Variants in TMEM132C observed in about 807,000 individuals in gnomAD.
The protein encoded by TMEM132C is transmembrane protein 132C, also known as protein phosphatase 1, regulatory subunit 152.
In TMEM132C, 29 loss-of-function variants were observed where a neutral mutation model predicts 61.4. The ratio of observed to expected loss-of-function variants is 0.47; its 90% CI spans 0.35 to 0.64. The LOEUF is 0.64. TMEM132C is among the 30% of genes least tolerant of loss of function. The pLI, the probability that TMEM132C is intolerant of heterozygous loss-of-function variation, is 0.00. For missense variants in TMEM132C, 1,408 were observed against 1,476.9 expected (o/e 0.95, Z 0.76); for synonymous variants, 656 against 633.1 (o/e 1.04, Z -0.54).
intron 8 of TMEM132C, among the ~76,000 whole-genome samples, chr12:128,700,614 G>A (rs1220898210): frequency 1.3e-5 from 2 of 152,152 alleles, no homozygotes; most frequent in African/African-American, 4.8e-5. Context: ...CCTTGTTCAT[G>A]ATATTTTCAA....
intron 3 of TMEM132C, among the ~76,000 whole-genome samples, chr12:128,555,355 C>T (rs1481918790): frequency 6.6e-6 from 1 of 152,184 alleles, no homozygotes; most frequent in Admixed American, 6.5e-5. Flanking sequence ...AAATAATCTG[C>T]TTTTCCCTAA....
chr12:128,496,343 G>C (rs1048391462), intron 2 of TMEM132C, among the ~76,000 whole-genome samples: 20 of 152,128 alleles, frequency 1.3e-4, no homozygotes, highest in African/African-American at 4.6e-4. Context: ...GTATCTTTGT[G>C]GCGTTCTCTG....
chr12:128,431,200 G>C (rs181638840), intron 2 of TMEM132C, among the ~76,000 whole-genome samples: 3 of 152,210 alleles, frequency 2.0e-5, no homozygotes, highest in Non-Finnish European at 4.4e-5. Flanking sequence ...AGTTTTAGGG[G>C]TCTGGATGGA....
At chr12:128,507,767 G>A (rs1872424861) in intron 2 of TMEM132C, among the ~76,000 whole-genome samples, 1 of 152,190 alleles carries the variant, frequency 6.6e-6, no homozygotes, top group East Asian at 1.9e-4. Context: ...TTTTGAAGGA[G>A]AAAGGGACTC....
chr12:128,596,270 A>G (rs1875945908), intron 3 of TMEM132C, among the ~76,000 whole-genome samples: 1 of 146,890 alleles, frequency 6.8e-6, no homozygotes, highest in African/African-American at 2.6e-5. Flanking sequence ...TGTCCATCAC[A>G]CTGGGCTGCC....
At position 128,536,873 on chromosome 12, in the gene TMEM132C, A is replaced by G. The variant is rs909446904; in HGVS notation, c.975-7084A>G. ...TTTGGAAAGAAGAGCTTTATTTCTCATAAAGGATTGCAGCCTGCCAGGTGG... is the reference window on the plus strand; with the variant it reads ...TTTGGAAAGAAGAGCTTTATTTCTCGTAAAGGATTGCAGCCTGCCAGGTGG... On this transcript the variant is annotated intron_variant, in intron 2 of 8. Coordinates refer to ENST00000435159, the MANE Select transcript of TMEM132C (RefSeq NM_001136103.3). 6.6e-5 allele frequency among the ~76,000 whole-genome samples: 10 copies of G among 152,210 alleles called. No individual in the cohort carries two copies. The South Asian group carries it at 2.1e-3, about 32-fold the overall frequency.
intron 5 of TMEM132C, among the ~76,000 whole-genome samples, chr12:128,691,792 C>A (rs56906315): frequency 2.1e-5 from 3 of 142,614 alleles, no homozygotes; most frequent in Non-Finnish European, 4.5e-5. Flanking sequence ...GTGTCTGTCC[C>A]TCAGTGTGTG....
chr12:128,399,781 T>A (rs982481629), intron 1 of TMEM132C, among the ~76,000 whole-genome samples: 2 of 152,156 alleles, frequency 1.3e-5, no homozygotes, highest in African/African-American at 4.8e-5. Context: ...CTAAGACTTT[T>A]TTTTTTTATG....
At position 128,335,406 on chromosome 12, in the gene TMEM132C, A is replaced by C. The variant is rs73158080; in HGVS notation, c.85+67919A>C. Among the ~76,000 whole-genome samples the C allele has an allele frequency of 7.6e-3, 1,164 of 152,312 alleles. 2 individuals carry two copies. The highest frequency in any genetic ancestry group is 0.011 in the Non-Finnish European group (759 of 68,014). On this transcript the variant is annotated intron_variant, in intron 1 of 8. Coordinates refer to ENST00000435159, the MANE Select transcript of TMEM132C (RefSeq NM_001136103.3). ...CCTTTTGAATGTTTTACATATTGGC[A>C]TTTGGATTTTCAAAAGAGAGATCAA... is the stretch of plus-strand genomic sequence containing the variant.
intron 4 of TMEM132C, among the ~76,000 whole-genome samples, chr12:128,644,635 T>G (rs1954182232): frequency 6.6e-6 from 1 of 152,210 alleles, no homozygotes; most frequent in African/African-American, 2.4e-5. Context: ...ACAAGGGACT[T>G]TCTGCATAAC....
intron 2 of TMEM132C, among the ~76,000 whole-genome samples, chr12:128,432,322 G>A (rs1478570370): frequency 1.3e-5 from 2 of 152,198 alleles, no homozygotes; most frequent in African/African-American, 4.8e-5. Context: ...CACTTTGTAT[G>A]GCTGTAGCTG....
chr12:128,647,769 T>G (rs1253416754), intron 4 of TMEM132C, among the ~76,000 whole-genome samples: 1 of 150,620 alleles, frequency 6.6e-6, no homozygotes, highest in Non-Finnish European at 1.5e-5. Context: ...GTGAGTGTGT[T>G]TACTGGAGTC....
intron 2 of TMEM132C, among the ~76,000 whole-genome samples, chr12:128,483,863 A>G (rs980014904): frequency 2.0e-5 from 3 of 152,216 alleles, no homozygotes; most frequent in African/African-American, 4.8e-5. Context: ...TCATAAATAG[A>G]TTTAAACGAC....
chr12:128,372,591 A>G (rs1310037313), intron 1 of TMEM132C, among the ~76,000 whole-genome samples: 1 of 152,132 alleles, frequency 6.6e-6, no homozygotes, highest in Non-Finnish European at 1.5e-5. Context: ...CTTATTAATT[A>G]CTCATATCCT....
chr12:128,643,406 T>A (rs1215645049), intron 4 of TMEM132C, among the ~76,000 whole-genome samples: 1 of 152,166 alleles, frequency 6.6e-6, no homozygotes, highest in Non-Finnish European at 1.5e-5. Flanking sequence ...ACTCCCAGAC[T>A]CCTCAGCAGA....
intron 3 of TMEM132C, among the ~76,000 whole-genome samples, chr12:128,553,761 C>CT (rs1166509287): frequency 6.6e-6 from 1 of 152,178 alleles, no homozygotes; most frequent in Admixed American, 6.5e-5. Flanking sequence ...CCCTTCCTAA[C>CT]TTTATTTTGT....
At chr12:128,548,982 G>C (rs1198863756) in intron 3 of TMEM132C, among the ~76,000 whole-genome samples, 2 of 152,162 alleles carry the variant, frequency 1.3e-5, no homozygotes, top group Admixed American at 1.3e-4. Context: ...GTTGTCATCT[G>C]CAAAGGGTCC....
At chr12:128,321,317 G>A (rs964538590) in intron 1 of TMEM132C, among the ~76,000 whole-genome samples, 30 of 152,048 alleles carry the variant, frequency 2.0e-4, no homozygotes, top group African/African-American at 6.3e-4. Context: ...GGAAACTGTC[G>A]ATACTCACAG....
intron 3 of TMEM132C, among the ~76,000 whole-genome samples, chr12:128,585,970 G>A (rs935445533): frequency 1.3e-5 from 2 of 152,162 alleles, no homozygotes; most frequent in African/African-American, 2.4e-5. Context: ...GATGGATGGT[G>A]GTGACGGCTG....
Sources: gnomAD v4.1 joint callset for allele counts (sites outside exome capture counted in the v4.1 genomes callset) on GRCh38, gnomAD v4.1.1 for gene constraint, MANE v1.5 for transcripts, NCBI Gene and HGNC (gene_info 2026-07-23, HGNC 2026-07-21) for gene names.